Variants in CNTNAP5 observed in about 807,000 individuals in gnomAD.
CNTNAP5 encodes contactin associated protein family member 5, also known as contactin-associated protein-like 5.
A neutral mutation model predicts 150.2 loss-of-function variants in CNTNAP5; 72 were observed. That is an observed-to-expected ratio of 0.48 (90% CI 0.40 to 0.58). CNTNAP5 has a LOEUF of 0.58. CNTNAP5 is among the 20% of genes least tolerant of loss of function. CNTNAP5 has a pLI of 0.00. For synonymous variants in CNTNAP5, 672 were observed against 619.8 expected (o/e 1.08, Z -1.25); for missense variants, 1,636 against 1,626.2 (o/e 1.01, Z -0.10).
At chr2:124,415,406 C>T (rs545685887) in intron 3 of CNTNAP5, among the ~76,000 whole-genome samples, 3 of 152,188 alleles carry the variant, frequency 2.0e-5, no homozygotes, top group Non-Finnish European at 2.9e-5. Flanking sequence ...TATTAGCTAG[C>T]GGGTGTTTTG....
intron 19 of CNTNAP5, among the ~76,000 whole-genome samples, chr2:124,848,451 A>C (rs1357199969): frequency 6.6e-6 from 1 of 152,258 alleles, no homozygotes; most frequent in South Asian, 2.1e-4. Flanking sequence ...GCTACTCTGA[A>C]TAATGTTGAA....
At chr2:124,803,094 G>A (rs1393345745) in intron 19 of CNTNAP5, among the ~76,000 whole-genome samples, 2 of 147,794 alleles carry the variant, frequency 1.4e-5, no homozygotes, top group African/African-American at 2.6e-5. Flanking sequence ...CAGGCTGGGC[G>A]ACAGAGCAAG....
intron 3 of CNTNAP5, among the ~76,000 whole-genome samples, chr2:124,407,933 G>A (rs964413724): frequency 6.6e-6 from 1 of 152,150 alleles, no homozygotes; most frequent in Admixed American, 6.5e-5. Flanking sequence ...CGTGAGCGAC[G>A]CAGAAGATGG....
intron 7 of CNTNAP5, among the ~76,000 whole-genome samples, chr2:124,497,864 A>G (rs896935499): frequency 4.0e-4 from 61 of 152,312 alleles, no homozygotes; most frequent in African/African-American, 1.4e-3. Flanking sequence ...GCAGAGCAGC[A>G]TCTTCTGAAG....
intron 20 of CNTNAP5, among the ~76,000 whole-genome samples, chr2:124,866,059 C>G (rs756560149): frequency 2.0e-5 from 3 of 151,714 alleles, no homozygotes; most frequent in Non-Finnish European, 4.4e-5. Flanking sequence ...GTCAGGAGTT[C>G]GAGACTAGCC....
rs1348428687 is a variant in CNTNAP5 at position 124,588,131 on chromosome 2, T to TCC, written c.1757-21670_1757-21669insCC. ...CCTTCCCTCCTTTTCCTTCCTTCCT[T>TCC]TTCCTTCCTTCCTTCCTTCCTTCCT... On this transcript the variant is annotated intron_variant, in intron 11 of 23. Coordinates refer to ENST00000682447, the MANE Select transcript of CNTNAP5 (RefSeq NM_001367498.1). Among the ~76,000 whole-genome samples, 50 of 40,064 alleles carry TCC rather than the reference T, an allele frequency of 1.2e-3. 2 individuals are homozygous for TCC. The highest frequency in any genetic ancestry group is 4.2e-3 in the African/African-American group (42 of 10,060). 26.3% of individuals were successfully genotyped at this position (40,064 alleles called of 152,430 possible). A position where few individuals can be genotyped will look rare whatever the true frequency, so the allele number is the denominator to read the frequency against.
At chr2:124,068,434 C>T (rs73952587) in intron 1 of CNTNAP5, among the ~76,000 whole-genome samples, 1 of 152,144 alleles carries the variant, frequency 6.6e-6, no homozygotes, top group Non-Finnish European at 1.5e-5. Flanking sequence ...GAGAATTACT[C>T]AGCCCTGAGG....
chr2:124,365,327 A>G (rs1053786247), intron 3 of CNTNAP5, among the ~76,000 whole-genome samples: 1 of 151,540 alleles, frequency 6.6e-6, no homozygotes, highest in East Asian at 1.9e-4. Flanking sequence ...AAAAAAGGAA[A>G]AAAAAAAAAA....
At chr2:124,650,636 C>G (rs1433501529) in intron 13 of CNTNAP5, among the ~76,000 whole-genome samples, 5 of 152,188 alleles carry the variant, frequency 3.3e-5, no homozygotes, top group Admixed American at 6.5e-5. Context: ...GCAAGTTTTT[C>G]CTTTATCAGA....
At chr2:124,294,870 C>T (rs868526935) in intron 3 of CNTNAP5, among the ~76,000 whole-genome samples, 38 of 152,166 alleles carry the variant, frequency 2.5e-4, no homozygotes, top group Admixed American at 9.2e-4. Context: ...TGGCTGGGAG[C>T]GCCGAGGCGG....
intron 11 of CNTNAP5, among the ~76,000 whole-genome samples, chr2:124,583,431 A>G (rs930525496): frequency 2.8e-4 from 43 of 152,302 alleles, no homozygotes; most frequent in African/African-American, 1.0e-3. Context: ...TGGCCTCTCC[A>G]ATGCCACCTG....
chr2:124,344,197 CT>C (rs921366110), intron 3 of CNTNAP5, among the ~76,000 whole-genome samples: 5 of 152,040 alleles, frequency 3.3e-5, no homozygotes, highest in Non-Finnish European at 5.9e-5. Flanking sequence ...AATTTCACCC[CT>C]GCCCCCCAAA....
At chr2:124,844,356 G>T (rs1321691430) in intron 19 of CNTNAP5, among the ~76,000 whole-genome samples, 1 of 151,988 alleles carries the variant, frequency 6.6e-6, no homozygotes. Flanking sequence ...TCTCTATTCT[G>T]TTCCATTAGT....
chr2:124,867,389 G>A (rs971556569), intron 20 of CNTNAP5, among the ~76,000 whole-genome samples: 3 of 151,992 alleles, frequency 2.0e-5, no homozygotes, highest in Non-Finnish European at 2.9e-5. Context: ...TACCCATACC[G>A]AAAAGGTATT....
At chr2:124,768,842 C>A (rs1193933863) in intron 16 of CNTNAP5, among the ~76,000 whole-genome samples, 1 of 152,134 alleles carries the variant, frequency 6.6e-6, no homozygotes, top group Non-Finnish European at 1.5e-5. Context: ...GAAGCCCCTG[C>A]AATTTTGTGC....
chr2:124,504,654 A>G (rs1180335785), intron 8 of CNTNAP5, 98 bp downstream of exon 8: 2 of 1,127,882 alleles, frequency 1.8e-6, no homozygotes, highest in Non-Finnish European at 2.5e-6. Context: ...TCTCAGGGAT[A>G]TGGGTTAGCC....
chr2:124,330,218 C>T (rs1460960264), intron 3 of CNTNAP5, among the ~76,000 whole-genome samples: 1 of 152,120 alleles, frequency 6.6e-6, no homozygotes, highest in African/African-American at 2.4e-5. Flanking sequence ...CTCAGTTCCT[C>T]AAAGCTGTCT....
intron 19 of CNTNAP5, among the ~76,000 whole-genome samples, chr2:124,814,116 T>C (rs560888341): frequency 1.3e-4 from 20 of 152,244 alleles, no homozygotes; most frequent in African/African-American, 4.3e-4. Context: ...AGTTTCCTTT[T>C]TTTTTTATGA....
intron 13 of CNTNAP5, among the ~76,000 whole-genome samples, chr2:124,737,164 T>C (rs1680400423): frequency 6.6e-6 from 1 of 151,704 alleles, no homozygotes; most frequent in East Asian, 2.0e-4. Flanking sequence ...GATTGTATGC[T>C]CTTGTAATCC....
Sources: allele counts gnomAD v4.1 joint callset (sites outside exome capture counted in the v4.1 genomes callset), GRCh38; gene constraint gnomAD v4.1.1; transcripts MANE v1.5; gene names NCBI Gene and HGNC (gene_info 2026-07-23, HGNC 2026-07-21).